The following RUNX1 variants were observed in gnomAD, a reference collection of about 807,000 sequenced individuals.
The protein encoded by RUNX1 is RUNX family transcription factor 1.
RUNX1 carries 19 observed loss-of-function variants against 42.8 expected under a neutral mutation model. The ratio of observed to expected loss-of-function variants is 0.44; its 90% CI spans 0.31 to 0.65. RUNX1 has a LOEUF of 0.65. RUNX1 is among the 30% of genes least tolerant of loss of function. The probability of loss-of-function intolerance (pLI) is 0.07; values close to 1 mark genes in which losing one functional copy is unlikely to be tolerated. For missense variants in RUNX1, 528 were observed against 672.0 expected, an observed-to-expected ratio of 0.79 and a Z score of 2.37; for synonymous variants, 271 against 289.4, an observed-to-expected ratio of 0.94 and a Z score of 0.64.
intron 2 of RUNX1, among the ~76,000 whole-genome samples, chr21:34,936,699 G>T (rs1490810603): frequency 6.6e-6 from 1 of 152,190 alleles, no homozygotes; most frequent in Non-Finnish European, 1.5e-5. Context: ...GATCCTGGCC[G>T]GGAGACCCCA....
Position 34,897,113 on chromosome 21 carries a change from C to G in RUNX1, c.59-4150G>C, listed in dbSNP as rs182889265. On this transcript the variant is annotated intron_variant, in intron 2 of 8. Coordinates refer to ENST00000675419, the MANE Select transcript of RUNX1 (RefSeq NM_001754.5). The stretch of plus-strand genomic sequence containing the variant: ...ACCCAGGTCTTCCTCTTGTTTTCCC[C>G]ACTGCACCATCATTCTCCCAGTTTC... Among the ~76,000 whole-genome samples, 199 of 152,292 alleles carry G rather than the reference C, an allele frequency of 1.3e-3. 1 individual carries two copies. The highest frequency in any genetic ancestry group is 2.3e-3 in the South Asian group (11 of 4,822).
chr21:35,028,589 T>C (rs182113947), intron 2 of RUNX1, among the ~76,000 whole-genome samples: 4 of 152,382 alleles, frequency 2.6e-5, no homozygotes, highest in African/African-American at 9.6e-5. Flanking sequence ...CTGCCACTGC[T>C]GTGGTATTAA....
chr21:34,883,533 A>G (rs1645786292), intron 4 of RUNX1, among the ~76,000 whole-genome samples: 1 of 152,242 alleles, frequency 6.6e-6, no homozygotes, highest in Non-Finnish European at 1.5e-5. Flanking sequence ...ATCTAACTTC[A>G]AACAGAAAAA....
intron 7 of RUNX1, chr21:34,833,309 T>A (rs1024708379): frequency 6.6e-6 from 1 of 152,262 alleles, no homozygotes; most frequent in Non-Finnish European, 1.5e-5. Context: ...TTTCACCATG[T>A]TAGCCAGGAT....
intron 2 of RUNX1, among the ~76,000 whole-genome samples, chr21:34,942,332 C>T (rs2058533628): frequency 6.6e-6 from 1 of 151,726 alleles, no homozygotes; most frequent in South Asian, 2.1e-4. Context: ...AAAAAAAAAT[C>T]ATTTGCCTGT....
intron 2 of RUNX1, among the ~76,000 whole-genome samples, chr21:34,971,538 C>A (rs1222374666): frequency 6.6e-6 from 1 of 152,066 alleles, no homozygotes; most frequent in East Asian, 1.9e-4. Context: ...TCCATCCATC[C>A]ATCCATCCAA....
intron 7 of RUNX1, among the ~76,000 whole-genome samples, chr21:34,817,480 A>C (rs575108271): frequency 7.2e-5 from 11 of 152,160 alleles, no homozygotes; most frequent in Non-Finnish European, 1.3e-4. Context: ...TAGTGCTTAA[A>C]TAAGTTGTGT....
intron 2 of RUNX1, among the ~76,000 whole-genome samples, chr21:34,902,526 A>G (rs2058185353): frequency 6.6e-6 from 1 of 152,252 alleles, no homozygotes; most frequent in Non-Finnish European, 1.5e-5. Flanking sequence ...AAAGGTATAC[A>G]TGAGATTCAC....
intron 7 of RUNX1, among the ~76,000 whole-genome samples, chr21:34,805,017 T>C (rs2056660165): frequency 6.6e-6 from 1 of 152,050 alleles, no homozygotes; most frequent in Non-Finnish European, 1.5e-5. Flanking sequence ...CCTTCCAAAG[T>C]GCTGGGATTA....
At chr21:34,888,599 G>A in intron 3 of RUNX1, 1 of 1,059,276 alleles carries the variant, frequency 9.4e-7, no homozygotes. Context: ...GCCCCGGAAA[G>A]AAGTGCCTGG....
Position 34,882,071 on chromosome 21 carries a change from C to T in RUNX1, c.352-1358G>A, listed in dbSNP as rs570685820. 3.3e-5 allele frequency among the ~76,000 whole-genome samples: 5 copies of T among 152,292 alleles called. No homozygotes were observed. The South Asian group carries it at 1.0e-3, about 32-fold the overall frequency. The stretch of plus-strand genomic sequence containing the variant: ...AGCATTCCTTAATCTAGTGTTATCA[C>T]TCCTTCCTCTGCCTCCTACTTCCCA... On this transcript the variant is annotated intron_variant, in intron 4 of 8. Coordinates refer to ENST00000675419, the MANE Select transcript of RUNX1 (RefSeq NM_001754.5).
chr21:34,904,082 C>T (rs548178768), intron 2 of RUNX1, among the ~76,000 whole-genome samples: 17 of 152,070 alleles, frequency 1.1e-4, no homozygotes, highest in East Asian at 7.7e-4. Flanking sequence ...ACATTTTTTG[C>T]GGAGACTTCT....
chr21:34,839,932 T>C (rs557768072), intron 6 of RUNX1, among the ~76,000 whole-genome samples: 3 of 152,334 alleles, frequency 2.0e-5, no homozygotes, highest in East Asian at 1.9e-4. Context: ...TCATGAGCAA[T>C]GACTGACGGC....
intron 6 of RUNX1, among the ~76,000 whole-genome samples, chr21:34,846,152 A>C (rs2012251): frequency 1 from 150,828 of 150,828 alleles, 75,414 homozygotes; most frequent in Non-Finnish European, 1. Flanking sequence ...GTTGGCCATA[A>C]TGGGGCTTGG....
chr21:34,915,909 A>G (rs553483056), intron 2 of RUNX1, among the ~76,000 whole-genome samples: 28 of 152,204 alleles, frequency 1.8e-4, no homozygotes, highest in Non-Finnish European at 3.8e-4. Flanking sequence ...GGAAGTGAAA[A>G]GCTTTTACCC....
chr21:35,047,555 A>ACTCTCTCTCTCTCTCT (rs2059407503), intron 2 of RUNX1, among the ~76,000 whole-genome samples: 1 of 84,306 alleles, frequency 1.2e-5, no homozygotes, highest in Non-Finnish European at 2.2e-5. Flanking sequence ...ACACACACAC[A>ACTCTCTCTCTCTCTCT]CACACACTCT....
chr21:34,917,396 G>T (rs1005905684), intron 2 of RUNX1, among the ~76,000 whole-genome samples: 2 of 152,196 alleles, frequency 1.3e-5, no homozygotes, highest in Non-Finnish European at 2.9e-5. Context: ...GGGTGACTGG[G>T]ATGATTGCAA....
At chr21:34,820,040 T>C (rs1380826640) in intron 7 of RUNX1, among the ~76,000 whole-genome samples, 3 of 152,200 alleles carry the variant, frequency 2.0e-5, no homozygotes, top group Admixed American at 6.5e-5. Flanking sequence ...CCATTCACAT[T>C]TGTTGAATGC....
At chr21:34,938,626 C>T (rs890756907) in intron 2 of RUNX1, among the ~76,000 whole-genome samples, 4 of 151,862 alleles carry the variant, frequency 2.6e-5, no homozygotes, top group African/African-American at 9.7e-5. Context: ...TGGAGATCTT[C>T]CTGACCTGCC....
Sources: gnomAD v4.1 joint callset for allele counts (sites outside exome capture counted in the v4.1 genomes callset) on GRCh38, gnomAD v4.1.1 for gene constraint, MANE v1.5 for transcripts, NCBI Gene and HGNC (gene_info 2026-07-23, HGNC 2026-07-21) for gene names.